KCNIP1: variants seen among roughly 807,000 people sequenced by gnomAD.
KCNIP1 encodes the protein potassium voltage-gated channel interacting protein 1, also known as A-type potassium channel modulatory protein KCNIP1.
In KCNIP1, 18 loss-of-function variants were observed where a neutral mutation model predicts 33.0. The ratio of observed to expected loss-of-function variants is 0.55; its 90% CI spans 0.38 to 0.81. The LOEUF is 0.81. Among genes scored for constraint, KCNIP1 ranks in the 30% least tolerant of loss-of-function variants. The pLI is 0.00. For synonymous variants in KCNIP1, 93 were observed against 98.3 expected, an observed-to-expected ratio of 0.95 and a Z score of 0.32; for missense variants, 238 against 271.6, an observed-to-expected ratio of 0.88 and a Z score of 0.87.
At chr5:170,460,274 T>C (rs1219588243) in intron 1 of KCNIP1, among the ~76,000 whole-genome samples, 2 of 152,072 alleles carry the variant, frequency 1.3e-5, no homozygotes, top group Non-Finnish European at 2.9e-5. Flanking sequence ...GAAGAAATGG[T>C]ACCAATCCTA....
intron 1 of KCNIP1, chr5:170,377,322 T>C (rs527242955): frequency 5.3e-5 from 8 of 152,140 alleles, no homozygotes; most frequent in African/African-American, 1.9e-4. Flanking sequence ...GGCCTGAGAG[T>C]GTGCATTTCT....
exon 1 of KCNIP1, chr5:170,353,960 C>G: frequency 6.2e-7 from 1 of 1,613,994 alleles, no homozygotes; most frequent in Non-Finnish European, 8.5e-7. Flanking sequence ...GGACCCTCAG[C>G]AAAGGTATGG....
At chr5:170,720,254 C>T in intron 2 of KCNIP1, 67 bp from the exon 3 acceptor site, 1 of 1,151,278 alleles carries the variant, frequency 8.7e-7, no homozygotes, top group Non-Finnish European at 1.3e-6. Context: ...GACACCAAGG[C>T]TGGGCCCAGT....
chr5:170,473,575 C>T (rs932404353), intron 1 of KCNIP1, among the ~76,000 whole-genome samples: 8 of 152,122 alleles, frequency 5.3e-5, no homozygotes, highest in Non-Finnish European at 7.4e-5. Context: ...ACACCGAAGT[C>T]TAAGGGAAAG....
At chr5:170,712,237 C>G (rs1311681864) in intron 1 of KCNIP1, among the ~76,000 whole-genome samples, 1 of 152,220 alleles carries the variant, frequency 6.6e-6, no homozygotes, top group Non-Finnish European at 1.5e-5. Context: ...GGCTAACCCT[C>G]TTCTGCAACT....
intron 1 of KCNIP1, among the ~76,000 whole-genome samples, chr5:170,522,756 C>A (rs150700745): frequency 2.6e-5 from 4 of 152,236 alleles, no homozygotes; most frequent in African/African-American, 7.2e-5. Flanking sequence ...GGTCTGTTTC[C>A]AGCTGCACTG....
chr5:170,695,644 T>A (rs6880008), intron 1 of KCNIP1, among the ~76,000 whole-genome samples: 5,060 of 152,334 alleles, frequency 0.033, 101 homozygotes, highest in Non-Finnish European at 0.04. Flanking sequence ...GCTTTGAGGC[T>A]ATTATAAACT....
intron 1 of KCNIP1, among the ~76,000 whole-genome samples, chr5:170,390,351 CA>C (rs1481302924): frequency 6.6e-6 from 1 of 150,946 alleles, no homozygotes; most frequent in African/African-American, 2.4e-5. Context: ...ACTAAAAATA[CA>C]AAAATTAGTC....
intron 1 of KCNIP1, among the ~76,000 whole-genome samples, chr5:170,525,152 A>G (rs191175889): frequency 1.8e-3 from 275 of 152,314 alleles, no homozygotes; most frequent in Non-Finnish European, 3.1e-3. Context: ...CACGCCTGGG[A>G]GCCAGCTGTC....
chr5:170,447,545 G>A (rs189100937), intron 1 of KCNIP1, among the ~76,000 whole-genome samples: 18 of 152,242 alleles, frequency 1.2e-4, no homozygotes, highest in Admixed American at 7.8e-4. Flanking sequence ...GTGGCACAAG[G>A]TGCGTGGCCT....
chr5:170,458,312 G>C (rs1756434167), intron 1 of KCNIP1, among the ~76,000 whole-genome samples: 1 of 152,202 alleles, frequency 6.6e-6, no homozygotes, highest in Admixed American at 6.5e-5. Flanking sequence ...AGCCTTGCTA[G>C]AGCCCTAGAC....
intron 1 of KCNIP1, among the ~76,000 whole-genome samples, chr5:170,484,750 G>A (rs906949479): frequency 2.2e-5 from 3 of 139,230 alleles, no homozygotes; most frequent in Non-Finnish European, 3.0e-5. Flanking sequence ...GCTCCTTTTC[G>A]CCCTTTGCCT....
chr5:170,679,445 G>A (rs1268162667), intron 1 of KCNIP1, among the ~76,000 whole-genome samples: 1 of 152,138 alleles, frequency 6.6e-6, no homozygotes, highest in Non-Finnish European at 1.5e-5. Context: ...CACAAAGAAG[G>A]AAGGGGAGGA....
chr5:170,603,322 G>A (rs776668562), intron 1 of KCNIP1, among the ~76,000 whole-genome samples: 8 of 152,184 alleles, frequency 5.3e-5, no homozygotes, highest in Admixed American at 2.6e-4. Context: ...CACCTCTGGC[G>A]GGGAGGAGGG....
chr5:170,580,020 C>T (rs1757734687), intron 1 of KCNIP1, among the ~76,000 whole-genome samples: 1 of 151,586 alleles, frequency 6.6e-6, no homozygotes, highest in Admixed American at 6.6e-5. Flanking sequence ...ATGCTTGGTG[C>T]TTTCTGTCAG....
chr5:170,564,526 A>G (rs930005973), intron 1 of KCNIP1, among the ~76,000 whole-genome samples: 1 of 152,198 alleles, frequency 6.6e-6, no homozygotes, highest in African/African-American at 2.4e-5. Context: ...AACAGCTCAG[A>G]TTCCTAGCTT....
At chr5:170,617,642 C>A (rs1466355838) in intron 1 of KCNIP1, among the ~76,000 whole-genome samples, 1 of 152,316 alleles carries the variant, frequency 6.6e-6, no homozygotes, top group East Asian at 1.9e-4. Flanking sequence ...CCTAAAAGCA[C>A]CATCTGCTCT....
chr5:170,528,274 G>A (rs1427825803), intron 1 of KCNIP1, among the ~76,000 whole-genome samples: 1 of 152,148 alleles, frequency 6.6e-6, no homozygotes, highest in Non-Finnish European at 1.5e-5. Context: ...GTTCAAGGAG[G>A]GAGCTGCAAG....
chr5:170,733,789 A>T (rs1041547530), intron 6 of KCNIP1, 47 bp from the exon 7 acceptor site: 6 of 1,476,718 alleles, frequency 4.1e-6, no homozygotes, highest in Admixed American at 1.7e-5. Context: ...AAGCTTTGGA[A>T]TGGAGATCAC....
Sources: gnomAD v4.1 joint callset for allele counts (sites outside exome capture counted in the v4.1 genomes callset) on GRCh38, gnomAD v4.1.1 for gene constraint, MANE v1.5 for transcripts, NCBI Gene and HGNC (gene_info 2026-07-23, HGNC 2026-07-21) for gene names.